DLG2: variants seen among roughly 807,000 people sequenced by gnomAD.
DLG2 encodes the protein discs large MAGUK scaffold protein 2.
A neutral mutation model predicts 132.5 loss-of-function variants in DLG2; 45 were observed. The observed-to-expected ratio is 0.34, with a 90% CI of 0.27 to 0.44. The LOEUF (loss-of-function observed/expected upper bound fraction) is 0.44. Among genes scored for constraint, DLG2 ranks in the 20% least tolerant of loss-of-function variants. DLG2 has a pLI of 1.00. For missense variants in DLG2, 1,045 were observed against 1,196.9 expected, an observed-to-expected ratio of 0.87 and a Z score of 1.87; for synonymous variants, 424 against 419.6, an observed-to-expected ratio of 1.01 and a Z score of -0.13.
At chr11:85,107,927 TAAAAAAA>T (rs5793156) in intron 6 of DLG2, among the ~76,000 whole-genome samples, 1 of 26,270 alleles carries the variant, frequency 3.8e-5, no homozygotes, top group African/African-American at 1.6e-4. Context: ...GGACAAGTCT[TAAAAAAA>T]AAAAAAAAAA....
At chr11:83,687,832 C>A (rs900171021) in intron 18 of DLG2, among the ~76,000 whole-genome samples, 2 of 151,816 alleles carry the variant, frequency 1.3e-5, no homozygotes, top group Non-Finnish European at 2.9e-5. Flanking sequence ...TCCACTAAAA[C>A]AAACAAACAA....
At chr11:84,594,045 G>A (rs978722292) in intron 6 of DLG2, among the ~76,000 whole-genome samples, 1 of 152,100 alleles carries the variant, frequency 6.6e-6, no homozygotes, top group African/African-American at 2.4e-5. Context: ...GAAATTACAT[G>A]AGAATGGCAG....
At chr11:85,325,003 G>C (rs1456628173) in intron 3 of DLG2, among the ~76,000 whole-genome samples, 10 of 145,384 alleles carry the variant, frequency 6.9e-5, no homozygotes. Context: ...GTCAAAGAAA[G>C]GGGTGACGGA....
chr11:85,167,770 C>T (rs912485130), intron 4 of DLG2, among the ~76,000 whole-genome samples: 11 of 152,104 alleles, frequency 7.2e-5, no homozygotes, highest in African/African-American at 2.7e-4. Context: ...AATGCATATG[C>T]TTTTCTCTTG....
Position 84,064,176 on chromosome 11 carries a change from AT to A in DLG2, c.750-4693del, listed in dbSNP as rs1011209251. On this transcript the variant is annotated intron_variant, in intron 10 of 27. Coordinates refer to ENST00000376104, the MANE Select transcript of DLG2 (RefSeq NM_001142699.3). ...TGAAGTAAGATTTGTGATTTTACGC[AT>A]TTTTAAGTATGTTAACTCATTTAAA... Among the ~76,000 whole-genome samples, 46 of 152,280 alleles carry A rather than the reference AT, an allele frequency of 3.0e-4. 1 individual carries two copies. The highest frequency in any genetic ancestry group is 1.1e-3 in the African/African-American group (46 of 41,572).
intron 10 of DLG2, among the ~76,000 whole-genome samples, chr11:84,063,406 G>T (rs1192869628): frequency 6.6e-6 from 1 of 152,164 alleles, no homozygotes; most frequent in African/African-American, 2.4e-5. Flanking sequence ...TCTAAATTTT[G>T]CACTAAATCA....
At chr11:85,333,332 T>C (rs548736758) in intron 3 of DLG2, among the ~76,000 whole-genome samples, 23 of 152,324 alleles carry the variant, frequency 1.5e-4, no homozygotes, top group African/African-American at 5.5e-4. Context: ...AGTTCTAGGA[T>C]CTTCTTGGCA....
rs578033581 is a variant in DLG2, at chr11:84,027,629, A to C, written c.919+31686T>G. Among the ~76,000 whole-genome samples the C allele has an allele frequency of 7.2e-5, 11 of 152,198 alleles. No individual in the cohort carries two copies. In the East Asian group the frequency reaches 2.1e-3, roughly 29 times the overall value. On this transcript the variant is annotated intron_variant, in intron 11 of 27. Transcript: ENST00000376104. ...TACAAAAAGTAAGTAATGAACATGCATCGGGAGAAACACCTTTTGGGATAA... is the reference window on the plus strand; with the variant it reads ...TACAAAAAGTAAGTAATGAACATGCCTCGGGAGAAACACCTTTTGGGATAA...
At chr11:83,775,424 AC>A (rs973232024) in intron 18 of DLG2, among the ~76,000 whole-genome samples, 18 of 152,328 alleles carry the variant, frequency 1.2e-4, no homozygotes, top group Admixed American at 7.8e-4. Context: ...CGGGAAAACC[AC>A]TTATGCTTTC....
At chr11:83,708,570 G>A (rs1428676855) in intron 18 of DLG2, among the ~76,000 whole-genome samples, 6 of 152,094 alleles carry the variant, frequency 3.9e-5, no homozygotes, top group Non-Finnish European at 5.9e-5. Context: ...TTGGCTTTAT[G>A]TACCTCCCCA....
rs112860073 is a variant in DLG2 at position 84,626,080 on chromosome 11, T to C, written c.358-91349A>G. ...GAGGACCGACTCTTTTGAGACTAGT[T>C]CGGGTGATTCAGATCTATTATCTTT... is the stretch of plus-strand genomic sequence containing the variant. On this transcript the variant is annotated intron_variant, in intron 6 of 27. Coordinates refer to ENST00000376104, the MANE Select transcript of DLG2 (RefSeq NM_001142699.3). Among the ~76,000 whole-genome samples the C allele has an allele frequency of 1.2e-3, 179 of 152,328 alleles. 3 individuals are homozygous for C. Among genetic ancestry groups the C allele is most frequent in the Middle Eastern group, 6.8e-3 (2 of 294 alleles).
intron 6 of DLG2, among the ~76,000 whole-genome samples, chr11:84,937,487 G>T (rs1459213493): frequency 1.3e-5 from 2 of 152,094 alleles, no homozygotes; most frequent in Admixed American, 1.3e-4. Context: ...TCAACTGGGA[G>T]TCCAGAGAAG....
intron 16 of DLG2, among the ~76,000 whole-genome samples, chr11:83,836,923 G>C (rs1214711162): frequency 6.6e-6 from 1 of 151,616 alleles, no homozygotes; most frequent in Non-Finnish European, 1.5e-5. Flanking sequence ...GAACAGCAGG[G>C]AGGGAGACAC....
At chr11:85,094,264 A>T (rs2069354223) in intron 6 of DLG2, among the ~76,000 whole-genome samples, 1 of 152,186 alleles carries the variant, frequency 6.6e-6, no homozygotes, top group Non-Finnish European at 1.5e-5. Flanking sequence ...TCAATATGGT[A>T]ATTAAGCAGT....
At chr11:85,557,111 A>G (rs529997680) in intron 3 of DLG2, among the ~76,000 whole-genome samples, 2 of 151,952 alleles carry the variant, frequency 1.3e-5, no homozygotes, top group African/African-American at 4.8e-5. Context: ...ATACAAAATC[A>G]ATGTACAAAA....
intron 18 of DLG2, among the ~76,000 whole-genome samples, chr11:83,779,787 T>A (rs953343958): frequency 3.9e-5 from 6 of 152,332 alleles, no homozygotes; most frequent in Admixed American, 6.5e-5. Flanking sequence ...CTAGTTAAAC[T>A]ACACAGAATC....
intron 7 of DLG2, among the ~76,000 whole-genome samples, chr11:84,318,138 A>C (rs2154395799): frequency 6.6e-6 from 1 of 152,338 alleles, no homozygotes; most frequent in South Asian, 2.1e-4. Flanking sequence ...TGGTTTCCAA[A>C]GACAGAATTT....
chr11:84,712,344 A>T (rs1486579366), intron 6 of DLG2, among the ~76,000 whole-genome samples: 2 of 152,050 alleles, frequency 1.3e-5, no homozygotes, highest in African/African-American at 2.4e-5. Context: ...TTGAAGTGGC[A>T]AGTATGTATT....
At chr11:83,830,839 T>G (rs2054288279) in intron 17 of DLG2, among the ~76,000 whole-genome samples, 1 of 152,214 alleles carries the variant, frequency 6.6e-6, no homozygotes, top group African/African-American at 2.4e-5. Context: ...TAGAATGCCT[T>G]AGAGAATCTC....
Sources: gnomAD v4.1 joint callset for allele counts (sites outside exome capture counted in the v4.1 genomes callset) on GRCh38, gnomAD v4.1.1 for gene constraint, MANE v1.5 for transcripts, NCBI Gene and HGNC (gene_info 2026-07-23, HGNC 2026-07-21) for gene names.